Variants in SH2D4B observed in about 807,000 individuals in gnomAD.
SH2D4B encodes SH2 domain containing 4B.
Under a neutral mutation model 61.5 loss-of-function variants are expected in SH2D4B, and 45 were observed. The ratio of observed to expected loss-of-function variants is 0.73; its 90% CI spans 0.58 to 0.94. SH2D4B has a LOEUF of 0.94. Ranked by LOEUF, SH2D4B falls within the 40% of genes least tolerant of loss-of-function variation. SH2D4B has a pLI of 0.00. For synonymous variants in SH2D4B, 224 were observed against 220.4 expected, an observed-to-expected ratio of 1.02 and a Z score of -0.14; for missense variants, 572 against 574.2, an observed-to-expected ratio of 1.00 and a Z score of 0.04.
intron 1 of SH2D4B, among the ~76,000 whole-genome samples, chr10:80,546,026 TTC>T (rs1841674383): frequency 6.7e-6 from 1 of 150,140 alleles, no homozygotes; most frequent in South Asian, 2.1e-4. Context: ...TTCTTTCTCT[TTC>T]TTTCTTTCTC....
At chr10:80,627,721 G>A (rs914856778) in intron 6 of SH2D4B, among the ~76,000 whole-genome samples, 1 of 147,716 alleles carries the variant, frequency 6.8e-6, no homozygotes, top group African/African-American at 2.4e-5. Context: ...ATTCACTGCT[G>A]ACTCCCAGGT....
intron 7 of SH2D4B, among the ~76,000 whole-genome samples, chr10:80,642,118 G>C (rs755694281): frequency 4.6e-5 from 7 of 152,016 alleles, no homozygotes; most frequent in Non-Finnish European, 1.0e-4. Context: ...TTGAGACAAG[G>C]TCTTACTCTG....
At chr10:80,572,967 TATATATATATATA>T (rs1842072187) in intron 3 of SH2D4B, among the ~76,000 whole-genome samples, 1 of 8,856 alleles carries the variant, frequency 1.1e-4, no homozygotes, top group African/African-American at 5.0e-4. Context: ...TATATATATA[TATATATATATATA>T]TATATATTTT....
At chr10:80,587,039 T>C (rs12268524) in intron 3 of SH2D4B, among the ~76,000 whole-genome samples, 57,100 of 151,020 alleles carry the variant, frequency 0.38, 12,797 homozygotes, top group African/African-American at 0.63. Flanking sequence ...ACTCCGGATA[T>C]GCCACATTTA....
Position 80,609,407 on chromosome 10 carries a change from ACTTT to A in SH2D4B, c.861-10_861-7del, listed in dbSNP as rs1842565223. 2 of 1,577,576 alleles carry A rather than the reference ACTTT, an allele frequency of 1.3e-6. No homozygotes were observed. Among genetic ancestry groups the A allele is most frequent in the Non-Finnish European group, 1.7e-6 (2 of 1,163,034 alleles). On this transcript the variant is annotated splice_polypyrimidine_tract_variant and intron_variant, in intron 5 of 7. Transcript: ENST00000646907. Reference sequence around the variant, plus strand: ...CCTCCCTGACTCTTCTGCCCTCCCCACTTTCTTTCTCTTCAGCAGGACCTGGGAG... The same window carrying A: ...CCTCCCTGACTCTTCTGCCCTCCCCACTTTCTCTTCAGCAGGACCTGGGAG...
chr10:80,577,556 A>G (rs1317386687), intron 3 of SH2D4B, among the ~76,000 whole-genome samples: 1 of 151,668 alleles, frequency 6.6e-6, no homozygotes, highest in Admixed American at 6.6e-5. Context: ...CCTCCCAAGT[A>G]GCTGGGACTA....
chr10:80,612,791 T>C (rs1489274342), intron 6 of SH2D4B, among the ~76,000 whole-genome samples: 1 of 152,204 alleles, frequency 6.6e-6, no homozygotes, highest in Non-Finnish European at 1.5e-5. Flanking sequence ...ACATGACTAC[T>C]CGAATGATTT....
rs374542727 is a variant in SH2D4B, at chr10:80,603,655, G to C, written c.720G>C (p.Ser240=). ...CCCGGGACGAGTACCGACACCACTC[G>C]CTCCGTGCTATCCAGAAGGGCACGG... is the stretch of plus-strand genomic sequence containing the variant. ...QRARDEYRHH[S]LRAIQKGTVA... is the part of the protein sequence containing the mutation. The change falls in exon 5 of 8, where the codon TCG becomes TCC. Residue 240 remains serine (S), a synonymous_variant. Coordinates refer to ENST00000646907, the MANE Select transcript of SH2D4B (RefSeq NM_001388272.1). 6.2e-7 allele frequency: 1 copy of C among 1,606,174 alleles called. No individual in the cohort carries two copies. The highest frequency in any genetic ancestry group is 8.5e-7 in the Non-Finnish European group (1 of 1,177,010).
At chr10:80,551,115 C>T (rs563707875) in intron 1 of SH2D4B, among the ~76,000 whole-genome samples, 26 of 152,268 alleles carry the variant, frequency 1.7e-4, no homozygotes, top group African/African-American at 4.6e-4. Context: ...TGTAGTGGCG[C>T]GATTTCGGCT....
chr10:80,590,707 G>T (rs1842315323), intron 4 of SH2D4B, among the ~76,000 whole-genome samples: 1 of 152,056 alleles, frequency 6.6e-6, no homozygotes, highest in South Asian at 2.1e-4. Context: ...TCATTAAATA[G>T]ACTTGAAAAT....
At chr10:80,566,090 CAAAAAAAAAAAAA>C (rs60774703) in intron 1 of SH2D4B, among the ~76,000 whole-genome samples, 18 of 23,806 alleles carry the variant, frequency 7.6e-4, no homozygotes, top group African/African-American at 2.7e-3. Flanking sequence ...GACTCCGGCT[CAAAAAAAAAAAAA>C]AAAAAAAAAA....
intron 6 of SH2D4B, among the ~76,000 whole-genome samples, chr10:80,618,528 G>C (rs1365270855): frequency 2.6e-5 from 4 of 152,202 alleles, no homozygotes; most frequent in Non-Finnish European, 4.4e-5. Flanking sequence ...CACAATCTCT[G>C]TGGCTTTAGG....
chr10:80,635,061 A>G (rs980471618), intron 7 of SH2D4B, among the ~76,000 whole-genome samples: 6 of 152,158 alleles, frequency 3.9e-5, no homozygotes, highest in African/African-American at 1.4e-4. Flanking sequence ...AGCCAGGCAA[A>G]TGGATGTGAA....
At chr10:80,632,746 G>A (rs1391508432) in intron 6 of SH2D4B, among the ~76,000 whole-genome samples, 1 of 152,058 alleles carries the variant, frequency 6.6e-6, no homozygotes, top group Admixed American at 6.6e-5. Context: ...GTCCTCTTTT[G>A]TCTGTCCCTA....
chr10:80,543,872 A>T (rs1180838628), intron 1 of SH2D4B, among the ~76,000 whole-genome samples: 1 of 151,932 alleles, frequency 6.6e-6, no homozygotes, highest in Non-Finnish European at 1.5e-5. Context: ...CTTTGTGTAG[A>T]CACTCTGTAT....
chr10:80,577,925 A>G (rs1462544344), intron 3 of SH2D4B, among the ~76,000 whole-genome samples: 2 of 151,950 alleles, frequency 1.3e-5, no homozygotes, highest in Non-Finnish European at 2.9e-5. Flanking sequence ...CAGCTTCACC[A>G]AGGGATTTAT....
intron 1 of SH2D4B, among the ~76,000 whole-genome samples, chr10:80,546,219 GTT>G (rs60489150): frequency 0.012 from 1,775 of 150,436 alleles, 32 homozygotes; most frequent in African/African-American, 0.039. Flanking sequence ...TAATTTTTGT[GTT>G]TTTTTTTGTA....
rs1381335766 is a variant in SH2D4B at position 80,634,333 on chromosome 10, A to C, written c.1037A>C (p.Glu346Ala). The stretch of plus-strand genomic sequence containing the variant: ...GAAGCTCTCCTGGAGAACATGACTG[A>C]GGGAGCATTCCTGGTCCGGGTCAGT... ...DAEALLENMTEGAFLVRVSEK... is the reference protein window; with the variant it reads ...DAEALLENMTAGAFLVRVSEK... The change falls in exon 7 of 8, where the codon GAG becomes GCG. Residue 346 changes from glutamate (E) to alanine (A), a missense_variant. Transcript: ENST00000646907. 6.5e-7 allele frequency: 1 copy of C among 1,547,916 alleles called. No individual in the cohort carries two copies. The highest frequency in any genetic ancestry group is 8.7e-7 in the Non-Finnish European group (1 of 1,145,020).
intron 6 of SH2D4B, among the ~76,000 whole-genome samples, chr10:80,610,896 C>T (rs987336605): frequency 3.0e-4 from 45 of 152,116 alleles, no homozygotes; most frequent in Non-Finnish European, 1.0e-4. Context: ...GTTAGTCAGG[C>T]GCAGTGGCTC....
Sources: gnomAD v4.1 joint callset for allele counts (sites outside exome capture counted in the v4.1 genomes callset) on GRCh38, gnomAD v4.1.1 for gene constraint, MANE v1.5 for transcripts, NCBI Gene and HGNC (gene_info 2026-07-23, HGNC 2026-07-21) for gene names.